The following LMO3 variants were observed in gnomAD, a reference collection of about 807,000 sequenced individuals.
LMO3 encodes LIM domain only protein 3.
A neutral mutation model predicts 15.8 loss-of-function variants in LMO3; 2 were observed. The ratio of observed to expected loss-of-function variants is 0.13; its 90% CI spans 0.05 to 0.40. LMO3 has a LOEUF of 0.40. LMO3 is among the 10% of genes least tolerant of loss of function. The pLI is 0.99. For synonymous variants in LMO3, 62 were observed against 63.8 expected (o/e 0.97, Z 0.13); for missense variants, 86 against 182.2 (o/e 0.47, Z 3.04).
intron 2 of LMO3, among the ~76,000 whole-genome samples, chr12:16,588,616 A>G (rs1177504355): frequency 6.6e-6 from 1 of 152,132 alleles, no homozygotes. Flanking sequence ...TAATTTATAT[A>G]AAGCACACTA....
intron 2 of LMO3, among the ~76,000 whole-genome samples, chr12:16,578,131 C>T (rs1047208896): frequency 2.6e-5 from 4 of 152,122 alleles, no homozygotes; most frequent in Non-Finnish European, 4.4e-5. Flanking sequence ...TGCCAGGCAA[C>T]AGAGACTGAG....
Position 16,585,591 on chromosome 12 carries a change from G to A in LMO3, c.206+15064C>T, listed in dbSNP as rs572741910. Among the ~76,000 whole-genome samples the A allele has an allele frequency of 6.6e-6, 1 of 152,226 alleles. No homozygotes were observed. Among genetic ancestry groups the A allele is most frequent in the Admixed American group, 6.5e-5 (1 of 15,282 alleles). On this transcript the variant is annotated intron_variant, in intron 2 of 3. Coordinates refer to ENST00000537304, the MANE Select transcript of LMO3 (RefSeq NM_018640.5). The surrounding 1 kb of genome is among the most constrained non-coding windows in gnomAD (Gnocchi z 4.7). ...ACTCAGCTATCTGAGCATCTCTCAT[G>A]CATCAGGCCCTATGTTCCCACCTGT...
At chr12:16,567,224 A>T (rs1295402444) in intron 2 of LMO3, among the ~76,000 whole-genome samples, 2 of 151,952 alleles carry the variant, frequency 1.3e-5, no homozygotes, top group Non-Finnish European at 2.9e-5. Context: ...AAACAAACAA[A>T]CAAAAAACTA....
upstream of LMO3, chr12:16,608,342 C>G (rs1444989217): frequency 6.6e-6 from 1 of 151,744 alleles, no homozygotes; most frequent in East Asian, 1.9e-4. The surrounding 1 kb of genome is among the most constrained non-coding windows in gnomAD (Gnocchi z 4.1). Context: ...TTTTTCCCTC[C>G]AACTGTATGA....
In LMO3 at chr12:16,559,411, T is replaced by C. The variant is rs559223013; in HGVS notation, c.332+1002A>G. 6.6e-6 allele frequency among the ~76,000 whole-genome samples: 1 copy of C among 152,244 alleles called. No individual in the cohort carries two copies. The highest frequency in any genetic ancestry group is 2.1e-4 in the South Asian group (1 of 4,826). ...TCTGAGATGAACTAATCCAGCTTCA[T>C]ATGTTACAAATGAAAAACCTGAGGT... is the stretch of plus-strand genomic sequence containing the variant. On this transcript the variant is annotated intron_variant, in intron 3 of 3. Coordinates refer to ENST00000537304, the MANE Select transcript of LMO3 (RefSeq NM_018640.5). This position sits in a 1 kb window ranked among gnomAD's most constrained non-coding sequence, Gnocchi z 4.1.
intron 2 of LMO3, among the ~76,000 whole-genome samples, chr12:16,580,479 A>G (rs1222515018): frequency 6.6e-6 from 1 of 152,228 alleles, no homozygotes; most frequent in Non-Finnish European, 1.5e-5. Flanking sequence ...CATGACCATC[A>G]GATGTAAAGT....
intron 2 of LMO3, among the ~76,000 whole-genome samples, chr12:16,566,850 T>C (rs1942633773): frequency 6.6e-6 from 1 of 152,058 alleles, no homozygotes; most frequent in African/African-American, 2.4e-5. Context: ...CTACACTGAA[T>C]GAAAAGGAAA....
At chr12:16,605,264 A>G in intron 1 of LMO3, 2 of 1,235,982 alleles carry the variant, frequency 1.6e-6, no homozygotes, top group South Asian at 4.3e-5. Context: ...TTAGCATAGC[A>G]TATCATGTTC....
At chr12:16,568,827 T>G (rs1353078867) in intron 2 of LMO3, among the ~76,000 whole-genome samples, 1 of 152,194 alleles carries the variant, frequency 6.6e-6, no homozygotes, top group African/African-American at 2.4e-5. Context: ...CCTGGATATA[T>G]GACAGTTATA....
At chr12:16,605,639 T>C in intron 1 of LMO3, 1 of 940,778 alleles carries the variant, frequency 1.1e-6, no homozygotes, top group African/African-American at 1.7e-5. Flanking sequence ...GACTGAATTC[T>C]TTTCCTATGG....
chr12:16,560,305 G>A lies in LMO3; in HGVS notation c.332+108C>T, dbSNP rs1023957542. ...ATTAAAGTTTACAGAACAGAAAAAC[G>A]CTGAGATTGATTGCTTTAAATGTAT... On this transcript the variant is annotated intron_variant, in intron 3 of 3. Transcript: ENST00000537304. The surrounding 1 kb of genome is among the most constrained non-coding windows in gnomAD (Gnocchi z 5.0). 3.2e-5 allele frequency: 40 copies of A among 1,233,816 alleles called. No homozygotes were observed. Among genetic ancestry groups the A allele is most frequent in the South Asian group, 2.0e-4 (12 of 58,890 alleles). 76.4% of individuals were successfully genotyped at this position (1,233,816 alleles called of 1,614,324 possible). A position where few individuals can be genotyped will look rare whatever the true frequency, so the allele number is the denominator to read the frequency against.
At position 16,589,766 on chromosome 12, in the gene LMO3, T is replaced by C. The variant is rs1943433441; in HGVS notation, c.206+10889A>G. On this transcript the variant is annotated intron_variant, in intron 2 of 3. Coordinates refer to ENST00000537304, the MANE Select transcript of LMO3 (RefSeq NM_018640.5). This position sits in a 1 kb window ranked among gnomAD's most constrained non-coding sequence, Gnocchi z 4.2. ...GAGGATCACCAAGTGATTAGGAATA[T>C]AGGTTCCTCAACTCAATCTGGACAA... Among the ~76,000 whole-genome samples the C allele has an allele frequency of 6.6e-6, 1 of 152,198 alleles. No individual in the cohort carries two copies. The highest frequency in any genetic ancestry group is 2.4e-5 in the African/African-American group (1 of 41,542).
intron 3 of LMO3, among the ~76,000 whole-genome samples, chr12:16,554,994 A>T (rs1231994154): frequency 6.6e-6 from 1 of 152,162 alleles, no homozygotes; most frequent in Non-Finnish European, 1.5e-5. Context: ...ACTTTCTTCT[A>T]ACTGTAATCT....
In LMO3 at chr12:16,587,679, C is replaced by A. The variant is rs934316149; in HGVS notation, c.206+12976G>T. Among the ~76,000 whole-genome samples the A allele has an allele frequency of 6.6e-6, 1 of 151,722 alleles. No individual in the cohort carries two copies. Among genetic ancestry groups the A allele is most frequent in the Non-Finnish European group, 1.5e-5 (1 of 67,778 alleles). The stretch of plus-strand genomic sequence containing the variant: ...GTCTGTCAGGAGTGCATTTTAACAG[C>A]ACGACACAAGTATTTTTCACTACAG... On this transcript the variant is annotated intron_variant, in intron 2 of 3. Transcript: ENST00000537304. This position sits in a 1 kb window ranked among gnomAD's most constrained non-coding sequence, Gnocchi z 4.3.
chr12:16,600,465 G>A, intron 2 of LMO3, 190 bp downstream of exon 2: 1 of 589,858 alleles, frequency 1.7e-6, no homozygotes. Context: ...TAAATATTGT[G>A]GTTTGTTGGC....
upstream of LMO3, chr12:16,609,275 C>T (rs1325694416): frequency 6.6e-6 from 1 of 152,148 alleles, no homozygotes; most frequent in African/African-American, 2.4e-5. Context: ...CATTAACCCT[C>T]AGCAAACTCC....
Position 16,587,808 on chromosome 12 carries a change from G to A in LMO3, c.206+12847C>T, listed in dbSNP as rs908449354. ...AAAATCTCACTGTGTCCTGAATGGG[G>A]GGTTTCAGGGGGAGGGAGAGGAACC... On this transcript the variant is annotated intron_variant, in intron 2 of 3. Transcript: ENST00000537304. This position sits in a 1 kb window ranked among gnomAD's most constrained non-coding sequence, Gnocchi z 4.3. Among the ~76,000 whole-genome samples the A allele has an allele frequency of 6.6e-6, 1 of 151,844 alleles. No individual in the cohort carries two copies. Among genetic ancestry groups the A allele is most frequent in the African/African-American group, 2.4e-5 (1 of 41,394 alleles).
upstream of LMO3, among the ~76,000 whole-genome samples, chr12:16,609,534 G>T (rs1944087447): frequency 6.6e-6 from 1 of 151,948 alleles, no homozygotes; most frequent in East Asian, 1.9e-4. Context: ...CCCTCTTTCT[G>T]CAACTCATCA....
intron 2 of LMO3, among the ~76,000 whole-genome samples, chr12:16,563,567 T>A (rs1164799417): frequency 1.3e-5 from 2 of 152,190 alleles, no homozygotes; most frequent in East Asian, 3.9e-4. Flanking sequence ...TGAGTACTCA[T>A]AATCCTGATA....
Sources: gnomAD v4.1 joint callset for allele counts (sites outside exome capture counted in the v4.1 genomes callset) on GRCh38, gnomAD v4.1.1 for gene constraint, Gnocchi (gnomAD v3.1) non-coding constraint, MANE v1.5 for transcripts, NCBI Gene and HGNC (gene_info 2026-07-23, HGNC 2026-07-21) for gene names.